The following SNTG1 variants were observed in gnomAD, a reference collection of about 807,000 sequenced individuals.
The protein encoded by SNTG1 is gamma-1-syntrophin.
Under a neutral mutation model 74.7 loss-of-function variants are expected in SNTG1, and 39 were observed. The ratio of observed to expected loss-of-function variants is 0.52; its 90% confidence interval spans 0.40 to 0.68. SNTG1 has a LOEUF of 0.68. SNTG1 is among the 30% of genes least tolerant of loss of function. The probability of loss-of-function intolerance (pLI) is 0.00; values close to 1 mark genes in which losing one functional copy is unlikely to be tolerated. For synonymous variants in SNTG1, 254 were observed against 217.1 expected (o/e 1.17, Z -1.49); for missense variants, 685 against 609.5 (o/e 1.12, Z -1.30).
intron 1 of SNTG1, among the ~76,000 whole-genome samples, chr8:50,075,508 G>A (rs886675374): frequency 3.3e-5 from 5 of 152,278 alleles, no homozygotes; most frequent in East Asian, 1.9e-4. Context: ...TCAGCACCCC[G>A]TCAAAACGGA....
At chr8:50,043,600 C>T (rs925099296) in intron 1 of SNTG1, among the ~76,000 whole-genome samples, 6 of 152,158 alleles carry the variant, frequency 3.9e-5, no homozygotes, top group African/African-American at 1.4e-4. Context: ...GCTGACTATG[C>T]GTTCCTGCAA....
At chr8:50,176,585 G>GA (rs1274662163) in intron 2 of SNTG1, among the ~76,000 whole-genome samples, 4 of 151,548 alleles carry the variant, frequency 2.6e-5, no homozygotes, top group East Asian at 1.9e-4. Flanking sequence ...CCCTAGACTG[G>GA]AAAAAAAAGA....
intron 13 of SNTG1, among the ~76,000 whole-genome samples, chr8:50,637,575 A>G (rs1425956831): frequency 1.3e-5 from 2 of 152,062 alleles, no homozygotes; most frequent in East Asian, 1.9e-4. Context: ...CTTCCACTAC[A>G]GTATTTAGTA....
chr8:50,155,435 A>T (rs2082222990), intron 1 of SNTG1, among the ~76,000 whole-genome samples: 1 of 152,206 alleles, frequency 6.6e-6, no homozygotes, highest in African/African-American at 2.4e-5. Context: ...GAACTAATGT[A>T]AAAGTTAAAA....
chr8:50,032,796 T>TTTTTCA (rs1191632189), intron 1 of SNTG1, among the ~76,000 whole-genome samples: 1 of 152,194 alleles, frequency 6.6e-6, no homozygotes, highest in African/African-American at 2.4e-5. Context: ...ACATATATTT[T>TTTTTCA]TTTTCATGTT....
chr8:50,774,356 A>G (rs2095634635), intron 18 of SNTG1, among the ~76,000 whole-genome samples: 1 of 151,924 alleles, frequency 6.6e-6, no homozygotes, highest in Admixed American at 6.6e-5. Context: ...AAACAGCAAA[A>G]TAAAAATGAC....
intron 15 of SNTG1, among the ~76,000 whole-genome samples, chr8:50,678,128 A>T (rs1023656374): frequency 6.6e-6 from 1 of 151,924 alleles, no homozygotes; most frequent in Non-Finnish European, 1.5e-5. Flanking sequence ...AAAGAAAAGA[A>T]AAGAATAATA....
At chr8:50,099,038 A>G (rs909014995) in intron 1 of SNTG1, among the ~76,000 whole-genome samples, 1 of 152,078 alleles carries the variant, frequency 6.6e-6, no homozygotes, top group African/African-American at 2.4e-5. Context: ...GAGGTTTTAT[A>G]CTGAAATTTA....
intron 2 of SNTG1, among the ~76,000 whole-genome samples, chr8:50,276,830 C>A (rs1443381864): frequency 6.6e-6 from 1 of 151,854 alleles, no homozygotes; most frequent in Non-Finnish European, 1.5e-5. Context: ...CATGGTGGTG[C>A]ATTCTTTTTT....
chr8:50,398,766 C>T (rs938830850), intron 3 of SNTG1, among the ~76,000 whole-genome samples: 2 of 152,102 alleles, frequency 1.3e-5, no homozygotes, highest in African/African-American at 2.4e-5. Context: ...CCCGTCTCTA[C>T]TAAAAATACA....
chr8:50,207,176 A>C (rs1403414078), intron 2 of SNTG1, among the ~76,000 whole-genome samples: 3 of 152,110 alleles, frequency 2.0e-5, no homozygotes, highest in Non-Finnish European at 4.4e-5. Flanking sequence ...GTAGAATTCG[A>C]CTGTGAATCC....
chr8:50,751,966 C>T (rs748332402), intron 17 of SNTG1, 35 bp from the exon 18 acceptor site: 6 of 1,292,232 alleles, frequency 4.6e-6, no homozygotes, highest in African/African-American at 3.4e-5. Context: ...GATATTAATT[C>T]CACCGACTTA....
chr8:50,732,354 C>G (rs1334751138), intron 17 of SNTG1, among the ~76,000 whole-genome samples: 1 of 150,454 alleles, frequency 6.6e-6, no homozygotes, highest in Non-Finnish European at 1.5e-5. Flanking sequence ...GTGCTACAAA[C>G]AGTGAGGTAC....
At chr8:50,514,369 T>G (rs941736590) in intron 9 of SNTG1, among the ~76,000 whole-genome samples, 1 of 152,154 alleles carries the variant, frequency 6.6e-6, no homozygotes, top group Admixed American at 6.5e-5. Context: ...CTGATAAAAT[T>G]TTCTCTCTTT....
At chr8:50,400,629 G>C (rs75714669) in intron 3 of SNTG1, among the ~76,000 whole-genome samples, 3 of 151,970 alleles carry the variant, frequency 2.0e-5, no homozygotes, top group Non-Finnish European at 2.9e-5. Context: ...AGTGTGTAAG[G>C]GTTCACTTTT....
rs144850492 is a variant in SNTG1, at chr8:50,142,660, C to T, written c.-102-29901C>T. ...CTGATGGTAAATGAAGTAAAATTTT[C>T]TAATGGCTTGCATTTTTACTTTATA... On this transcript the variant is annotated intron_variant, in intron 1 of 18. Coordinates refer to ENST00000642720, the MANE Select transcript of SNTG1 (RefSeq NM_018967.5). 5.1e-3 allele frequency among the ~76,000 whole-genome samples: 777 copies of T among 152,176 alleles called. 6 individuals are homozygous for T. The highest frequency in any genetic ancestry group is 0.017 in the African/African-American group (707 of 41,526).
intron 1 of SNTG1, among the ~76,000 whole-genome samples, chr8:49,963,198 C>T (rs899878444): frequency 1.3e-5 from 2 of 152,222 alleles, no homozygotes; most frequent in African/African-American, 4.8e-5. Flanking sequence ...ATCATACCAC[C>T]TCCATAGTTT....
chr8:50,302,972 T>C (rs1203395507), intron 2 of SNTG1, among the ~76,000 whole-genome samples: 1 of 152,226 alleles, frequency 6.6e-6, no homozygotes, highest in East Asian at 1.9e-4. Flanking sequence ...ATTTCCAGAA[T>C]AATGAATACA....
chr8:49,958,224 T>C (rs950193702), intron 1 of SNTG1, among the ~76,000 whole-genome samples: 1 of 152,084 alleles, frequency 6.6e-6, no homozygotes, highest in Admixed American at 6.5e-5. Flanking sequence ...ATCAGCACTT[T>C]AGGTTCACTG....
Sources: gnomAD v4.1 joint callset for allele counts (sites outside exome capture counted in the v4.1 genomes callset) on GRCh38, gnomAD v4.1.1 for gene constraint, MANE v1.5 for transcripts, NCBI Gene and HGNC (gene_info 2026-07-23, HGNC 2026-07-21) for gene names.